MRAS: variants seen among roughly 807,000 people sequenced by gnomAD.
MRAS encodes ras-related protein M-Ras.
In MRAS, 4 loss-of-function variants were observed where a neutral mutation model predicts 20.9. The ratio of observed to expected loss-of-function variants is 0.19; its 90% CI spans 0.09 to 0.44. The LOEUF is 0.44. Among genes scored for constraint, MRAS ranks in the 20% least tolerant of loss-of-function variants. The pLI is 0.99. For synonymous variants in MRAS, 98 were observed against 102.9 expected, an observed-to-expected ratio of 0.95 and a Z score of 0.29; for missense variants, 154 against 277.5, an observed-to-expected ratio of 0.56 and a Z score of 3.16.
At chr3:138,374,506 G>A (rs1217799968) in intron 2 of MRAS, among the ~76,000 whole-genome samples, 1 of 152,098 alleles carries the variant, frequency 6.6e-6, no homozygotes, top group East Asian at 1.9e-4. Flanking sequence ...TTTCTGAATA[G>A]ACCATAGTGA....
At chr3:138,379,948 G>A (rs529093299) in intron 2 of MRAS, among the ~76,000 whole-genome samples, 41 of 152,244 alleles carry the variant, frequency 2.7e-4, no homozygotes, top group African/African-American at 9.4e-4. Flanking sequence ...CCCACCAGCA[G>A]TATCCAAACA....
chr3:138,350,051 G>A (rs2054195631), intron 1 of MRAS: 1 of 152,164 alleles, frequency 6.6e-6, no homozygotes, highest in Admixed American at 6.5e-5. Context: ...TTAGAGTTTT[G>A]TAATATATTG....
In MRAS at chr3:138,397,391, C is replaced by T. The variant is rs2055260500; in HGVS notation, c.261C>T (p.Gly87=). 3.1e-6 allele frequency: 5 copies of T among 1,614,032 alleles called. No homozygotes were observed. The highest frequency in any genetic ancestry group is 2.7e-5 in the African/African-American group (2 of 74,922). The part of the protein sequence containing the change: ...MREQYMRTGD[G]FLIVYSVTDK... ...AGCAATACATGCGCACGGGGGATGG[C>T]TTCCTCATCGTCTACTCCGTCACTG... Residue 87 remains glycine (G), a synonymous_variant, in exon 3 of 6, where the codon GGC becomes GGT. Transcript: ENST00000423968.
At chr3:138,386,022 A>G (rs1189478250) in intron 2 of MRAS, among the ~76,000 whole-genome samples, 1 of 152,278 alleles carries the variant, frequency 6.6e-6, no homozygotes, top group East Asian at 1.9e-4. Context: ...CAGGTGGAAC[A>G]TGTGTTTTAC....
At chr3:138,348,815 C>G (rs1234954306) in intron 1 of MRAS, 48 bp downstream of exon 1, 2 of 151,414 alleles carry the variant, frequency 1.3e-5, no homozygotes, top group Non-Finnish European at 3.0e-5. Flanking sequence ...GCCGCGCCGC[C>G]TCTCGCCCCG....
In MRAS at chr3:138,372,898, C is replaced by T. The variant is rs752887551; in HGVS notation, c.15C>T (p.Ala5=). MATS[A]VPSDNLPTYK... is the part of the protein sequence containing the mutation. ...CTACGAGAAACATGGCAACCAGCGCCGTCCCCAGTGACAACCTCCCCACAT... is the reference window on the plus strand; with the variant it reads ...CTACGAGAAACATGGCAACCAGCGCTGTCCCCAGTGACAACCTCCCCACAT... The change falls in exon 2 of 6, where the codon GCC becomes GCT. Residue 5 remains alanine (A), a synonymous_variant. Coordinates refer to ENST00000423968, the MANE Select transcript of MRAS (RefSeq NM_001085049.3). 3.7e-5 allele frequency: 57 copies of T among 1,544,096 alleles called. No homozygotes were observed. Among genetic ancestry groups the T allele is most frequent in the Admixed American group, 2.2e-4 (10 of 45,426 alleles).
At chr3:138,398,001 C>T (rs2055277538) in intron 3 of MRAS, among the ~76,000 whole-genome samples, 1 of 152,216 alleles carries the variant, frequency 6.6e-6, no homozygotes, top group Non-Finnish European at 1.5e-5. Context: ...AATGGAAATA[C>T]CCAATGCTGC....
chr3:138,394,823 C>T (rs900434333), intron 2 of MRAS, among the ~76,000 whole-genome samples: 1 of 152,166 alleles, frequency 6.6e-6, no homozygotes, highest in Non-Finnish European at 1.5e-5. Context: ...CCAGAAAGCT[C>T]TGCTCCTGTT....
chr3:138,394,111 A>G (rs1444393358), intron 2 of MRAS, among the ~76,000 whole-genome samples: 1 of 150,314 alleles, frequency 6.7e-6, no homozygotes, highest in Non-Finnish European at 1.5e-5. Context: ...GAAAAAAAAA[A>G]GCTGCAGTCC....
In MRAS at chr3:138,384,664, G is replaced by T. The variant is rs140872323; in HGVS notation, c.193+11588G>T. ...TCTAAGCCTGTAGGAGGGGAGACCT[G>T]TGGGCTGGATAGAAATCTGGGTGGT... On this transcript the variant is annotated intron_variant, in intron 2 of 5. Coordinates refer to ENST00000423968, the MANE Select transcript of MRAS (RefSeq NM_001085049.3). Among the ~76,000 whole-genome samples the T allele has an allele frequency of 1.6e-4, 25 of 152,298 alleles. No individual in the cohort carries two copies. In the East Asian group the frequency reaches 4.6e-3, roughly 28 times the overall value.
rs186577272 is a variant in MRAS at position 138,382,951 on chromosome 3, C to T, written c.193+9875C>T. ...CATTGTGTTGGGTGATGCCACCTTCCCTGGGCCTCAGTGTTGCCTCTATCA... is the reference window on the plus strand; with the variant it reads ...CATTGTGTTGGGTGATGCCACCTTCTCTGGGCCTCAGTGTTGCCTCTATCA... On this transcript the variant is annotated intron_variant, in intron 2 of 5. Transcript: ENST00000423968. Among the ~76,000 whole-genome samples the T allele has an allele frequency of 3.3e-5, 5 of 152,264 alleles. No homozygotes were observed. The East Asian group carries it at 5.8e-4, about 18-fold the overall frequency.
chr3:138,365,175 GGTT>G (rs908966363), intron 1 of MRAS, among the ~76,000 whole-genome samples: 4 of 152,148 alleles, frequency 2.6e-5, no homozygotes. Flanking sequence ...TACCTTCTAG[GGTT>G]GTTGTGAGAA....
chr3:138,399,862 C>T (rs181652317), intron 4 of MRAS, among the ~76,000 whole-genome samples: 27 of 152,300 alleles, frequency 1.8e-4, no homozygotes, highest in African/African-American at 4.8e-4. Context: ...TTTGCCAGCC[C>T]GAGGCTTGGT....
Position 138,404,867 on chromosome 3 carries a change from C to A in MRAS, c.*2598C>A, listed in dbSNP as rs1455943574. ...CCGAGGAGCCAACTGGGACTTCTGG[C>A]TGTTTGACATCCTCATGTTCCCGTT... On this transcript the variant is annotated 3_prime_UTR_variant, in exon 6 of 6. Coordinates refer to ENST00000423968, the MANE Select transcript of MRAS (RefSeq NM_001085049.3). 1 of 152,192 alleles carries A rather than the reference C, an allele frequency of 6.6e-6. No individual in the cohort carries two copies. The highest frequency in any genetic ancestry group is 1.9e-4 in the East Asian group (1 of 5,192). The allele number at this position is 152,192 out of a possible 1,614,324, so 9.4% of individuals were successfully genotyped here.
chr3:138,401,735 G>A (rs1409270546), intron 5 of MRAS, among the ~76,000 whole-genome samples: 1 of 152,208 alleles, frequency 6.6e-6, no homozygotes, highest in Non-Finnish European at 1.5e-5. Context: ...ATAGTGCCAA[G>A]GTCAGGTTTT....
chr3:138,382,948 T>A (rs1383449344), intron 2 of MRAS, among the ~76,000 whole-genome samples: 1 of 152,166 alleles, frequency 6.6e-6, no homozygotes, highest in African/African-American at 2.4e-5. Flanking sequence ...TGATGCCACC[T>A]TCCCTGGGCC....
intron 1 of MRAS, among the ~76,000 whole-genome samples, chr3:138,369,483 G>A (rs1448961369): frequency 1.3e-5 from 2 of 152,094 alleles, no homozygotes; most frequent in South Asian, 2.1e-4. Flanking sequence ...GAGTATAAGG[G>A]GCTGCGGCAC....
chr3:138,351,060 C>A (rs150915889), intron 1 of MRAS, among the ~76,000 whole-genome samples: 1 of 152,214 alleles, frequency 6.6e-6, no homozygotes, highest in East Asian at 1.9e-4. Flanking sequence ...AAATTAGGCT[C>A]CTGGGATGAC....
chr3:138,366,063 C>T (rs3773752), intron 1 of MRAS, among the ~76,000 whole-genome samples: 90,042 of 152,068 alleles, frequency 0.59, 27,679 homozygotes, highest in East Asian at 0.73. Flanking sequence ...TCTCGGGGAG[C>T]GGAGAGTGAA....
Sources: allele counts gnomAD v4.1 joint callset (sites outside exome capture counted in the v4.1 genomes callset), GRCh38; gene constraint gnomAD v4.1.1; transcripts MANE v1.5; gene names NCBI Gene and HGNC (gene_info 2026-07-23, HGNC 2026-07-21).